SHB: variants seen among roughly 807,000 people sequenced by gnomAD.
The protein encoded by SHB is SH2 domain containing adaptor protein B.
SHB carries 20 observed loss-of-function variants against 52.3 expected under a neutral mutation model. That is an observed-to-expected ratio of 0.38 (90% CI 0.27 to 0.56). The LOEUF (loss-of-function observed/expected upper bound fraction) is 0.56. SHB is among the 20% of genes least tolerant of loss of function. The pLI is 0.71. For synonymous variants in SHB, 397 were observed against 316.5 expected (o/e 1.25, Z -2.70); for missense variants, 825 against 723.3 (o/e 1.14, Z -1.61).
At chr9:38,027,269 T>C (rs573312072) in intron 1 of SHB, among the ~76,000 whole-genome samples, 14 of 152,334 alleles carry the variant, frequency 9.2e-5, no homozygotes, top group Non-Finnish European at 1.2e-4. Flanking sequence ...TCTCACCAGC[T>C]ATGGAGCTCT....
intron 5 of SHB, among the ~76,000 whole-genome samples, chr9:37,947,767 C>T (rs1336874303): frequency 6.6e-6 from 1 of 152,240 alleles, no homozygotes; most frequent in Non-Finnish European, 1.5e-5. Context: ...GCTCTCCCTC[C>T]CATGGCCTCT....
intron 2 of SHB, among the ~76,000 whole-genome samples, chr9:38,008,751 C>A (rs746534908): frequency 2.4e-4 from 36 of 152,180 alleles, no homozygotes; most frequent in African/African-American, 8.2e-4. Flanking sequence ...ACCACCAGGA[C>A]AGGCTGAAGC....
chr9:37,939,215 T>G (rs1832409580), intron 5 of SHB, among the ~76,000 whole-genome samples: 1 of 152,234 alleles, frequency 6.6e-6, no homozygotes, highest in Non-Finnish European at 1.5e-5. Context: ...TGCTACCAGA[T>G]AGTCTCAGCA....
rs565150113 is a variant in SHB, at chr9:37,947,810, G to A, written c.1346+825C>T. Among the ~76,000 whole-genome samples the A allele has an allele frequency of 9.2e-5, 14 of 152,360 alleles. No homozygotes were observed. The South Asian group carries it at 1.9e-3, about 20-fold the overall frequency. On this transcript the variant is annotated intron_variant, in intron 5 of 5. Transcript: ENST00000377707. Reference sequence around the variant, plus strand: ...GTAAGTGGGACAGAGAGGATGCCAGGCAGAGGGATTCACTGCTTCTGGGGG... The same window carrying A: ...GTAAGTGGGACAGAGAGGATGCCAGACAGAGGGATTCACTGCTTCTGGGGG...
chr9:38,053,575 G>A (rs1403211459), intron 1 of SHB, among the ~76,000 whole-genome samples: 3 of 152,136 alleles, frequency 2.0e-5, no homozygotes, highest in African/African-American at 7.2e-5. Context: ...CCTATGGGGT[G>A]TTGTGGGAAT....
chr9:37,978,689 A>T (rs1264742061), intron 2 of SHB, among the ~76,000 whole-genome samples: 1 of 152,220 alleles, frequency 6.6e-6, no homozygotes, highest in East Asian at 1.9e-4. Context: ...GATTTGGCCT[A>T]TATCTACACT....
chr9:37,942,817 C>T (rs558960114), intron 5 of SHB, among the ~76,000 whole-genome samples: 4 of 152,172 alleles, frequency 2.6e-5, no homozygotes, highest in African/African-American at 7.2e-5. Flanking sequence ...ACGTGCTGTT[C>T]GCCTTCTGGA....
chr9:37,935,908 T>C (rs984271903), intron 5 of SHB, among the ~76,000 whole-genome samples: 1 of 145,920 alleles, frequency 6.9e-6, no homozygotes, highest in African/African-American at 2.6e-5. Context: ...ATGAGCTTCC[T>C]GCTCTGCCTC....
At chr9:37,988,494 C>A (rs1230244858) in intron 2 of SHB, among the ~76,000 whole-genome samples, 1 of 152,120 alleles carries the variant, frequency 6.6e-6, no homozygotes, top group East Asian at 1.9e-4. Flanking sequence ...AGCACCCATC[C>A]TACTAGCATG....
intron 1 of SHB, among the ~76,000 whole-genome samples, chr9:38,046,847 C>T (rs1004132628): frequency 1.3e-5 from 2 of 152,250 alleles, no homozygotes; most frequent in African/African-American, 4.8e-5. Flanking sequence ...ATGACTACCT[C>T]TTACAAGACA....
intron 3 of SHB, among the ~76,000 whole-genome samples, chr9:37,961,042 G>A (rs1329704722): frequency 2.6e-5 from 4 of 152,154 alleles, no homozygotes; most frequent in African/African-American, 9.7e-5. Context: ...TTCTAGGCCT[G>A]GAATTACTGC....
rs571139426 is a variant in SHB, at chr9:37,921,098, G to A, written c.1347-1094C>T. ...CCTCTGCCTGCCCACTCAGTTCCAC[G>A]CCTTTTATGATTCTACTGTGATTCT... On this transcript the variant is annotated intron_variant, in intron 5 of 5. Coordinates refer to ENST00000377707, the MANE Select transcript of SHB (RefSeq NM_003028.3). Among the ~76,000 whole-genome samples the A allele has an allele frequency of 3.3e-5, 5 of 152,228 alleles. No individual in the cohort carries two copies. In the East Asian group the frequency reaches 7.7e-4, roughly 23 times the overall value.
At chr9:37,937,297 T>C (rs1832382502) in intron 5 of SHB, among the ~76,000 whole-genome samples, 1 of 152,118 alleles carries the variant, frequency 6.6e-6, no homozygotes, top group Non-Finnish European at 1.5e-5. Context: ...CAGGGTGATC[T>C]CCAAGCTGCC....
intron 4 of SHB, among the ~76,000 whole-genome samples, chr9:37,953,579 A>G (rs1043711280): frequency 2.0e-5 from 3 of 152,068 alleles, no homozygotes; most frequent in Admixed American, 2.0e-4. Flanking sequence ...CTGTCCCAGG[A>G]GGGAAGGCAG....
In SHB at chr9:38,063,065, T is replaced by C. The variant is rs184276114; in HGVS notation, c.717+4864A>G. On this transcript the variant is annotated intron_variant, in intron 1 of 5. Transcript: ENST00000377707. ...TGAAGCCTGGGGAATGTATTTCCCT[T>C]CTGGGGAATCAACCAGGAAAAACTG... 3.0e-3 allele frequency among the ~76,000 whole-genome samples: 455 copies of C among 152,370 alleles called. 3 individuals carry two copies. The highest frequency in any genetic ancestry group is 4.6e-3 in the Non-Finnish European group (310 of 68,032).
At chr9:38,052,334 C>G (rs1165828753) in intron 1 of SHB, among the ~76,000 whole-genome samples, 1 of 152,200 alleles carries the variant, frequency 6.6e-6, no homozygotes, top group Non-Finnish European at 1.5e-5. Context: ...CCGCCCAACT[C>G]TCCAACCAGC....
intron 4 of SHB, among the ~76,000 whole-genome samples, chr9:37,954,758 C>A (rs1422085659): frequency 6.6e-6 from 1 of 152,192 alleles, no homozygotes; most frequent in South Asian, 2.1e-4. Flanking sequence ...GCAGACAATT[C>A]ACAGAATGAA....
intron 2 of SHB, among the ~76,000 whole-genome samples, chr9:37,985,851 C>CAGTGACG (rs11273348): frequency 0.57 from 86,203 of 151,466 alleles, 24,857 homozygotes; most frequent in East Asian, 0.75. Flanking sequence ...AGTTGGACAG[C>CAGTGACG]AGTGAGCGCC....
chr9:37,997,925 C>G (rs1318426603), intron 2 of SHB, among the ~76,000 whole-genome samples: 3 of 152,192 alleles, frequency 2.0e-5, no homozygotes, highest in African/African-American at 7.2e-5. Context: ...TGCTAAGGGG[C>G]AGAGGGCCCT....
Sources: gnomAD v4.1 joint callset for allele counts (sites outside exome capture counted in the v4.1 genomes callset) on GRCh38, gnomAD v4.1.1 for gene constraint, MANE v1.5 for transcripts, NCBI Gene and HGNC (gene_info 2026-07-23, HGNC 2026-07-21) for gene names.